ANO2: variants seen among roughly 807,000 people sequenced by gnomAD.
ANO2 encodes anoctamin 2, also known as anoctamin-2.
In ANO2, 101 loss-of-function variants were observed where a neutral mutation model predicts 124.2. The observed-to-expected ratio is 0.81, with a 90% CI of 0.69 to 0.96. The LOEUF is 0.96. Among genes scored for constraint, ANO2 ranks in the 40% least tolerant of loss-of-function variants. The pLI is 0.00. For missense variants in ANO2, 1,293 were observed against 1,274.5 expected (o/e 1.01, Z -0.22); for synonymous variants, 486 against 482.5 (o/e 1.01, Z -0.09).
rs115614886 is a variant in ANO2 at position 5,839,737 on chromosome 12, G to A, written c.634-7134C>T. ...CTTCCCTGAGCATCATTTCATCCAC[G>A]GTCCATACAAACTCTGTCAGGTGTG... On this transcript the variant is annotated intron_variant, in intron 4 of 24. Transcript: ENST00000682330. 3,461 of 418,796 alleles carry A rather than the reference G, an allele frequency of 8.3e-3. 103 individuals are homozygous for A. The highest frequency in any genetic ancestry group is 0.063 in the African/African-American group (3,095 of 49,130). 25.9% of individuals were successfully genotyped at this position (418,796 alleles called of 1,614,324 possible). A position where few individuals can be genotyped will look rare whatever the true frequency, so the allele number is the denominator to read the frequency against.
intron 19 of ANO2, among the ~76,000 whole-genome samples, chr12:5,603,672 G>A (rs952032639): frequency 3.3e-5 from 5 of 152,138 alleles, no homozygotes; most frequent in Admixed American, 1.3e-4. Flanking sequence ...GAGGCCGGGC[G>A]CAGTGGCTCA....
intron 14 of ANO2, among the ~76,000 whole-genome samples, chr12:5,695,134 A>C (rs1351220068): frequency 6.6e-6 from 1 of 152,260 alleles, no homozygotes; most frequent in South Asian, 2.1e-4. Flanking sequence ...ACTGCTCCCT[A>C]GAAGAAAAAG....
At chr12:5,795,533 C>T (rs1952820126) in intron 10 of ANO2, among the ~76,000 whole-genome samples, 1 of 152,242 alleles carries the variant, frequency 6.6e-6, no homozygotes, top group South Asian at 2.1e-4. Context: ...AGGCTGCAAT[C>T]CCTCTGAGCT....
At chr12:5,721,839 T>C (rs1329895412) in intron 14 of ANO2, among the ~76,000 whole-genome samples, 1 of 152,152 alleles carries the variant, frequency 6.6e-6, no homozygotes, top group Non-Finnish European at 1.5e-5. Flanking sequence ...GTTCCCAAAC[T>C]TTCTTGGTTC....
chr12:5,885,859 G>T (rs1938857587), intron 3 of ANO2, among the ~76,000 whole-genome samples: 1 of 152,162 alleles, frequency 6.6e-6, no homozygotes, highest in South Asian at 2.1e-4. Context: ...GGGGTCCTTA[G>T]TCCATTAAGG....
chr12:5,749,336 T>C (rs927946473), intron 11 of ANO2, among the ~76,000 whole-genome samples: 1 of 152,216 alleles, frequency 6.6e-6, no homozygotes, highest in Non-Finnish European at 1.5e-5. Flanking sequence ...CTAGCCACAA[T>C]GAATTGGCCC....
intron 3 of ANO2, among the ~76,000 whole-genome samples, chr12:5,873,737 T>G (rs1937899128): frequency 6.6e-6 from 1 of 152,354 alleles, no homozygotes; most frequent in East Asian, 1.9e-4. Flanking sequence ...ATGGGGCTGC[T>G]TGGGAGACAT....
At chr12:5,618,650 A>C (rs1255576998) in intron 16 of ANO2, among the ~76,000 whole-genome samples, 2 of 152,078 alleles carry the variant, frequency 1.3e-5, no homozygotes, top group Non-Finnish European at 2.9e-5. Context: ...TTCATCAAAC[A>C]CTCTCTTTCA....
chr12:5,851,741 G>C (rs951821998), intron 4 of ANO2, among the ~76,000 whole-genome samples: 11 of 151,536 alleles, frequency 7.3e-5, no homozygotes, highest in Non-Finnish European at 1.6e-4. Flanking sequence ...AAAGAACAGA[G>C]AGAGAGGCTA....
intron 3 of ANO2, among the ~76,000 whole-genome samples, chr12:5,895,062 A>C (rs1057218507): frequency 6.6e-6 from 1 of 152,142 alleles, no homozygotes; most frequent in East Asian, 1.9e-4. Flanking sequence ...ATAGCACTGA[A>C]TCTATAAATT....
intron 13 of ANO2, among the ~76,000 whole-genome samples, chr12:5,733,995 G>C (rs1184222343): frequency 1.3e-5 from 2 of 152,210 alleles, no homozygotes; most frequent in African/African-American, 4.8e-5. Context: ...TTGGCACCAT[G>C]CAGAACACAC....
At chr12:5,916,470 G>A (rs1205082358) in intron 3 of ANO2, among the ~76,000 whole-genome samples, 1 of 87,780 alleles carries the variant, frequency 1.1e-5, no homozygotes, top group East Asian at 3.3e-4. Flanking sequence ...TGACAACTCT[G>A]AATAGAAAAA....
intron 19 of ANO2, among the ~76,000 whole-genome samples, chr12:5,610,282 T>C (rs1168796855): frequency 8.6e-6 from 1 of 115,612 alleles, no homozygotes; most frequent in East Asian, 2.4e-4. Flanking sequence ...TGCATATATT[T>C]ATACATAAAT....
At chr12:5,918,485 G>C (rs1458100221) in intron 3 of ANO2, among the ~76,000 whole-genome samples, 1 of 149,638 alleles carries the variant, frequency 6.7e-6, no homozygotes, top group Non-Finnish European at 1.5e-5. Context: ...TGTCGCCCAG[G>C]CTGGAGTGCA....
chr12:5,711,021 G>C (rs1296281982), intron 14 of ANO2, among the ~76,000 whole-genome samples: 1 of 152,028 alleles, frequency 6.6e-6, no homozygotes, highest in African/African-American at 2.4e-5. Flanking sequence ...AGCCGGGCGT[G>C]GTGGCATGTG....
At chr12:5,595,829 C>T (rs1429733944) in intron 20 of ANO2, among the ~76,000 whole-genome samples, 2 of 152,098 alleles carry the variant, frequency 1.3e-5, no homozygotes, top group Non-Finnish European at 1.5e-5. Flanking sequence ...AGGTCAACAA[C>T]GTGGAATGGA....
At position 5,575,960 on chromosome 12, in the gene ANO2, G is replaced by A. The variant is rs747295911; in HGVS notation, c.2495C>T (p.Ser832Phe). The A allele has an allele frequency of 1.9e-6, 3 of 1,612,964 alleles. No individual in the cohort carries two copies. The highest frequency in any genetic ancestry group is 2.2e-5 in the South Asian group (2 of 90,778). ...GTGCAGAGTCCCATTGTGACTGTAG[G>A]AGTACTGGTACACCAGGCGGGGGAT... ...DFIPRLVYQY[S>F]YSHNGTLHGF... The change falls in exon 23 of 25, where the codon TCC becomes TTC. Residue 832 changes from serine (S) to phenylalanine (F), a missense_variant. Ser to Phe is a radical substitution (Grantham distance 155, BLOSUM62 -2). Transcript: ENST00000682330.
intron 15 of ANO2, among the ~76,000 whole-genome samples, chr12:5,646,688 A>C (rs1028860747): frequency 5.3e-5 from 8 of 152,208 alleles, no homozygotes; most frequent in Admixed American, 2.0e-4. Flanking sequence ...CTCTTGAATA[A>C]ATTCCACATG....
At chr12:5,580,762 G>A (rs149913988) in intron 20 of ANO2, among the ~76,000 whole-genome samples, 30 of 152,356 alleles carry the variant, frequency 2.0e-4, no homozygotes, top group African/African-American at 7.2e-4. Context: ...TGATTTGGCA[G>A]TTTGCTCAGC....
Sources: allele counts gnomAD v4.1 joint callset (sites outside exome capture counted in the v4.1 genomes callset), GRCh38; gene constraint gnomAD v4.1.1; transcripts MANE v1.5; gene names NCBI Gene and HGNC (gene_info 2026-07-23, HGNC 2026-07-21).